Variants in NOD2 observed in about 807,000 individuals in gnomAD.
The protein encoded by NOD2 is nucleotide-binding oligomerization domain-containing protein 2.
In NOD2, 86 loss-of-function variants were observed where a neutral mutation model predicts 90.9. The observed-to-expected ratio is 0.95, with a 90% CI of 0.79 to 1.13. The LOEUF (loss-of-function observed/expected upper bound fraction) is 1.13, where lower values mean the gene tolerates loss of function less well. NOD2 is among the 50% of genes most tolerant of loss of function. The pLI is 0.00. For synonymous variants in NOD2, 581 were observed against 554.6 expected (o/e 1.05, Z -0.67); for missense variants, 1,238 against 1,283.8 (o/e 0.96, Z 0.55).
At chr16:50,719,321 A>G (rs985934878) in intron 6 of NOD2, among the ~76,000 whole-genome samples, 3 of 152,176 alleles carry the variant, frequency 2.0e-5, no homozygotes, top group African/African-American at 7.2e-5. Context: ...CAGGAAGCCT[A>G]GGGTTGCAGG....
At chr16:50,695,165 G>A (rs995060985) in intron 1 of NOD2, among the ~76,000 whole-genome samples, 2 of 151,846 alleles carry the variant, frequency 1.3e-5, no homozygotes, top group East Asian at 1.9e-4. Flanking sequence ...TCATGGGGGG[G>A]GTGGGGTAAG....
intron 2 of NOD2, 112 bp from the exon 3 acceptor site, chr16:50,707,743 C>T (rs1050392389): frequency 6.1e-6 from 5 of 824,976 alleles, no homozygotes; most frequent in Admixed American, 1.7e-5. Flanking sequence ...TTTTTTTGAC[C>T]TTTTATTCTG....
chr16:50,711,885 C>T lies in NOD2; in HGVS notation c.1893C>T (p.Ser631=), dbSNP rs370519531. ...AGGCCTCGGAGGGAAAGGACAGCAG[C>T]GTGGCAGCTTTGCTGCAGAAGGCCG... The part of the protein sequence containing the change: ...CIQASEGKDS[S]VAALLQKAEP... Residue 631 remains serine (S), a synonymous_variant, in exon 4 of 12, where the codon AGC becomes AGT. Transcript: ENST00000647318. 1.4e-5 allele frequency: 22 copies of T among 1,608,760 alleles called. No individual in the cohort carries two copies. Among genetic ancestry groups the T allele is most frequent in the Admixed American group, 1.0e-4 (6 of 59,866 alleles).
intron 3 of NOD2, among the ~76,000 whole-genome samples, chr16:50,708,719 T>G (rs1964317299): frequency 6.6e-6 from 1 of 151,998 alleles, no homozygotes; most frequent in Admixed American, 6.6e-5. Context: ...TCATTGGCAC[T>G]GAAGCCCCCT....
In NOD2 at chr16:50,732,276, T is replaced by C. The variant is rs535257127; in HGVS notation, c.*457T>C. Reference sequence around the variant, plus strand: ...ATAATTCAGGAAGCAGCTTTCCCCATGTCTCGACTCATCCATCCAGGCCAT... The same window carrying C: ...ATAATTCAGGAAGCAGCTTTCCCCACGTCTCGACTCATCCATCCAGGCCAT... On this transcript the variant is annotated 3_prime_UTR_variant, in exon 12 of 12. Transcript: ENST00000647318. 2 of 231,952 alleles carry C rather than the reference T, an allele frequency of 8.6e-6. No individual in the cohort carries two copies. Among genetic ancestry groups the C allele is most frequent in the South Asian group, 1.3e-4 (2 of 15,974 alleles). 14.4% of individuals were successfully genotyped at this position (231,952 alleles called of 1,614,324 possible). A position where few individuals can be genotyped will look rare whatever the true frequency, so the allele number is the denominator to read the frequency against.
rs1187547881 is a variant in NOD2, at chr16:50,719,867, G to A, written c.2550-58G>A. On this transcript the variant is annotated intron_variant, in intron 6 of 11. Coordinates refer to ENST00000647318, the MANE Select transcript of NOD2 (RefSeq NM_001370466.1). ...GTGTTTCCCTGGCCAGGGCACAGACGGCCCTCCTTTTCTGCCTGCCGCTGT... is the reference window on the plus strand; with the variant it reads ...GTGTTTCCCTGGCCAGGGCACAGACAGCCCTCCTTTTCTGCCTGCCGCTGT... The A allele has an allele frequency of 3.4e-6, 5 of 1,481,144 alleles. No individual in the cohort carries two copies. In the African/African-American group the frequency reaches 4.2e-5, roughly 12 times the overall value. The allele number at this position is 1,481,144 out of a possible 1,614,324, so 91.8% of individuals were successfully genotyped here. A position where few individuals can be genotyped will look rare whatever the true frequency, so the allele number is the denominator to read the frequency against.
intron 11 of NOD2, among the ~76,000 whole-genome samples, chr16:50,730,915 T>G (rs1965431220): frequency 1.3e-5 from 2 of 152,302 alleles, no homozygotes; most frequent in South Asian, 4.1e-4. Context: ...AAACAAAAGC[T>G]TTGCTGGGCG....
Position 50,729,799 on chromosome 16 carries a change from A to C in NOD2, c.2886-19A>C. ...AAACCAAGAATCCTTGAAGCTCACC[A>C]TTGTATCTTCTTTTCCAGGTTGTCC... On this transcript the variant is annotated intron_variant, in intron 10 of 11. Coordinates refer to ENST00000647318, the MANE Select transcript of NOD2 (RefSeq NM_001370466.1). 2 of 1,602,492 alleles carry C rather than the reference A, an allele frequency of 1.2e-6. No homozygotes were observed. Among genetic ancestry groups the C allele is most frequent in the African/African-American group, 2.7e-5 (2 of 74,790 alleles).
At position 50,719,923 on chromosome 16, in the gene NOD2, A is replaced by G. The variant is rs772539979; in HGVS notation, c.2550-2A>G. The G allele has an allele frequency of 5.0e-6, 8 of 1,613,824 alleles. No homozygotes were observed. Among genetic ancestry groups the G allele is most frequent in the Non-Finnish European group, 5.9e-6 (7 of 1,179,874 alleles). ...CTCAGCCTCCTCTGTCTTCCCTTCC[A>G]GGCTGGGGAATAACTACATCACTGC... On this transcript the variant is annotated splice_acceptor_variant, in intron 6 of 11. Coordinates refer to ENST00000647318, the MANE Select transcript of NOD2 (RefSeq NM_001370466.1). LOFTEE classifies it high-confidence loss of function.
chr16:50,714,450 C>G (rs535853966), intron 4 of NOD2, among the ~76,000 whole-genome samples: 1 of 152,250 alleles, frequency 6.6e-6, no homozygotes, highest in Admixed American at 6.5e-5. Flanking sequence ...AGTGGTCTCG[C>G]CCTGGGAGAA....
chr16:50,703,674 A>T (rs1596838239), intron 2 of NOD2, among the ~76,000 whole-genome samples: 1 of 139,702 alleles, frequency 7.2e-6, no homozygotes, highest in East Asian at 2.1e-4. Context: ...ACAGAGCAAG[A>T]CTCTGTCTCA....
intron 2 of NOD2, among the ~76,000 whole-genome samples, chr16:50,701,959 T>G (rs577672374): frequency 3.9e-5 from 6 of 152,358 alleles, no homozygotes; most frequent in South Asian, 2.1e-4. Flanking sequence ...TTTATTTATT[T>G]GAGATGGGGG....
chr16:50,698,724 C>T (rs2150779697), intron 1 of NOD2, among the ~76,000 whole-genome samples: 1 of 152,308 alleles, frequency 6.6e-6, no homozygotes, highest in African/African-American at 2.4e-5. Context: ...ATAGGCACTA[C>T]TTCAGAGTGG....
intron 6 of NOD2, 58 bp from the exon 7 acceptor site, chr16:50,719,867 G>T: frequency 6.8e-7 from 1 of 1,481,262 alleles, no homozygotes; most frequent in East Asian, 2.3e-5. Flanking sequence ...GGGCACAGAC[G>T]GCCCTCCTTT....
intron 11 of NOD2, 55 bp downstream of exon 11, chr16:50,729,956 G>A: frequency 7.6e-7 from 1 of 1,307,784 alleles, no homozygotes; most frequent in Non-Finnish European, 1.1e-6. Flanking sequence ...TTTTCTATCT[G>A]TAAAATGGGG....
chr16:50,712,837 A>G, intron 4 of NOD2: 1 of 213,816 alleles, frequency 4.7e-6, no homozygotes, highest in Non-Finnish European at 9.6e-6. Context: ...TTTGTGTAGT[A>G]TGTGTCCGTA....
intron 7 of NOD2, among the ~76,000 whole-genome samples, chr16:50,721,627 G>A (rs1305209550): frequency 6.6e-6 from 1 of 151,950 alleles, no homozygotes; most frequent in Non-Finnish European, 1.5e-5. Context: ...TGAGTAGCTG[G>A]GACTACAGGC....
chr16:50,719,730 C>G lies in NOD2; in HGVS notation c.2550-195C>G, dbSNP rs146658210. The G allele has an allele frequency of 8.2e-4, 578 of 703,346 alleles. 4 individuals carry two copies. In the African/African-American group the frequency reaches 8.8e-3, roughly 11 times the overall value. 43.6% of individuals were successfully genotyped at this position (703,346 alleles called of 1,614,324 possible). ...CAAACAGCGTCCCGCTGCCCCTTTC[C>G]CTTTGCTGGGGGAAAATGAAGTTGT... On this transcript the variant is annotated intron_variant, in intron 6 of 11. Coordinates refer to ENST00000647318, the MANE Select transcript of NOD2 (RefSeq NM_001370466.1).
chr16:50,713,186 G>A (rs1185317875), intron 4 of NOD2: 2 of 152,344 alleles, frequency 1.3e-5, no homozygotes, highest in Non-Finnish European at 2.9e-5. Flanking sequence ...CTTGAAAGGG[G>A]ATTGCCCTGC....
Sources: allele counts gnomAD v4.1 joint callset (sites outside exome capture counted in the v4.1 genomes callset), GRCh38; gene constraint gnomAD v4.1.1; transcripts MANE v1.5; gene names NCBI Gene and HGNC (gene_info 2026-07-23, HGNC 2026-07-21).